Variants in TANC2 observed in about 807,000 individuals in gnomAD.
TANC2 encodes the protein protein TANC2.
A neutral mutation model predicts 210.5 loss-of-function variants in TANC2; 26 were observed. The observed-to-expected ratio is 0.12, with a 90% CI of 0.09 to 0.17. The LOEUF (loss-of-function observed/expected upper bound fraction) is 0.17, where lower values mean the gene tolerates loss of function less well. TANC2 is among the 10% of genes least tolerant of loss of function. TANC2 has a pLI of 1.00. For synonymous variants in TANC2, 931 were observed against 967.1 expected (o/e 0.96, Z 0.69); for missense variants, 2,129 against 2,608.9 (o/e 0.82, Z 4.01).
chr17:63,266,741 G>A (rs1773614375), intron 8 of TANC2, among the ~76,000 whole-genome samples: 1 of 152,022 alleles, frequency 6.6e-6, no homozygotes, highest in South Asian at 2.1e-4. Flanking sequence ...AACATTTGAG[G>A]CCCAGCAGCC....
chr17:63,132,644 A>G (rs1210655880), intron 4 of TANC2, among the ~76,000 whole-genome samples: 1 of 152,180 alleles, frequency 6.6e-6, no homozygotes, highest in African/African-American at 2.4e-5. Flanking sequence ...TCTGCTAGCC[A>G]GATTATACCA....
chr17:63,018,526 CAAAA>C (rs946067374), intron 2 of TANC2, among the ~76,000 whole-genome samples: 1 of 149,800 alleles, frequency 6.7e-6, no homozygotes, highest in Non-Finnish European at 1.5e-5. Flanking sequence ...AAAAATAAAA[CAAAA>C]AAAGGAATAA....
intron 15 of TANC2, among the ~76,000 whole-genome samples, chr17:63,383,522 T>C (rs2047679690): frequency 6.6e-6 from 1 of 152,128 alleles, no homozygotes; most frequent in Non-Finnish European, 1.5e-5. Flanking sequence ...TTTCTACATG[T>C]CTTTTTTGGC....
chr17:63,143,472 A>G (rs914407980), intron 4 of TANC2, among the ~76,000 whole-genome samples: 19 of 152,202 alleles, frequency 1.2e-4, no homozygotes, highest in African/African-American at 4.3e-4. Context: ...TAAAATTATC[A>G]ATTTATATTT....
At chr17:63,394,309 A>G (rs2048085963) in intron 17 of TANC2, among the ~76,000 whole-genome samples, 1 of 152,146 alleles carries the variant, frequency 6.6e-6, no homozygotes. Context: ...AGATTTGGCC[A>G]TTGGGAACTC....
chr17:63,117,274 A>G (rs1372030581), intron 4 of TANC2: 1 of 152,220 alleles, frequency 6.6e-6, no homozygotes, highest in Admixed American at 6.5e-5. Flanking sequence ...CAGTTCTTCC[A>G]GTAATTTGCT....
intron 2 of TANC2, among the ~76,000 whole-genome samples, chr17:63,023,209 A>G (rs1002134932): frequency 4.6e-5 from 7 of 152,224 alleles, no homozygotes; most frequent in East Asian, 3.9e-4. Flanking sequence ...GTACAACTCT[A>G]TCCTGTGAGA....
chr17:63,318,483 A>C (rs763243714), intron 10 of TANC2, among the ~76,000 whole-genome samples: 8 of 152,194 alleles, frequency 5.3e-5, no homozygotes, highest in Non-Finnish European at 8.8e-5. Context: ...TTAGCAGTCA[A>C]TCCCCATTCT....
intron 4 of TANC2, among the ~76,000 whole-genome samples, chr17:63,135,371 A>G (rs184544814): frequency 1.9e-4 from 29 of 152,330 alleles, no homozygotes; most frequent in African/African-American, 7.0e-4. Context: ...AGAAGGTGAG[A>G]GTTACTCAAC....
intron 8 of TANC2, among the ~76,000 whole-genome samples, chr17:63,249,653 G>A (rs923330891): frequency 1.3e-5 from 2 of 152,134 alleles, no homozygotes; most frequent in African/African-American, 2.4e-5. Flanking sequence ...AATACAGAAC[G>A]GGAATCTAGG....
intron 3 of TANC2, among the ~76,000 whole-genome samples, chr17:63,093,974 T>C (rs980474809): frequency 2.6e-5 from 4 of 152,174 alleles, no homozygotes; most frequent in Non-Finnish European, 5.9e-5. Flanking sequence ...GTACATGGTA[T>C]GTACTCTGTC....
chr17:62,966,422 G>T lies in TANC2; in HGVS notation c.-351G>T, dbSNP rs1423579328. ...ACCGCCCTCCGCGCCTCCTTCGGGCGGCCCCGCCCCCATTCCCATCCCCCT... is the reference window on the plus strand; with the variant it reads ...ACCGCCCTCCGCGCCTCCTTCGGGCTGCCCCGCCCCCATTCCCATCCCCCT... On this transcript the variant is annotated 5_prime_UTR_variant, in exon 1 of 28. Transcript: ENST00000689528. The surrounding 1 kb of genome is among the most constrained non-coding windows in gnomAD (Gnocchi z 5.1). Among the ~76,000 whole-genome samples the T allele has an allele frequency of 6.8e-6, 1 of 147,852 alleles. No homozygotes were observed. The highest frequency in any genetic ancestry group is 2.0e-4 in the East Asian group (1 of 5,096).
At chr17:63,201,908 G>A (rs541729852) in intron 7 of TANC2, among the ~76,000 whole-genome samples, 2 of 152,118 alleles carry the variant, frequency 1.3e-5, no homozygotes, top group South Asian at 4.2e-4. Context: ...GAAAATCATA[G>A]GATATTTCTA....
intron 5 of TANC2, among the ~76,000 whole-genome samples, chr17:63,183,231 C>T (rs1480512511): frequency 1.3e-5 from 2 of 152,198 alleles, no homozygotes; most frequent in Non-Finnish European, 1.5e-5. Context: ...AAATGTGAGC[C>T]AGGTGTAGTG....
At chr17:63,214,816 C>A (rs548188845) in intron 7 of TANC2, among the ~76,000 whole-genome samples, 2 of 152,208 alleles carry the variant, frequency 1.3e-5, no homozygotes, top group African/African-American at 4.8e-5. Flanking sequence ...TACAGTCCAA[C>A]CCTTGTACCA....
chr17:63,375,802 A>G (rs1179407222), intron 14 of TANC2, among the ~76,000 whole-genome samples: 2 of 152,230 alleles, frequency 1.3e-5, no homozygotes, highest in Non-Finnish European at 2.9e-5. Context: ...TGAAAAAACT[A>G]AAATAGGCTG....
chr17:63,015,999 G>A (rs551218525), intron 2 of TANC2, among the ~76,000 whole-genome samples: 2 of 151,986 alleles, frequency 1.3e-5, no homozygotes, highest in Non-Finnish European at 2.9e-5. Context: ...GGAGATACTG[G>A]CAATTTCAGA....
At chr17:63,107,827 G>T (rs963984107) in intron 4 of TANC2, among the ~76,000 whole-genome samples, 5 of 151,696 alleles carry the variant, frequency 3.3e-5, no homozygotes, top group Non-Finnish European at 5.9e-5. Context: ...ACCAACGATG[G>T]TATAGGTAGT....
intron 1 of TANC2, among the ~76,000 whole-genome samples, chr17:62,990,735 C>T (rs1255576312): frequency 6.6e-6 from 1 of 151,944 alleles, no homozygotes; most frequent in African/African-American, 2.4e-5. Flanking sequence ...ATAATTTGAC[C>T]TCAGAGAGAA....
Sources: gnomAD v4.1 joint callset for allele counts (sites outside exome capture counted in the v4.1 genomes callset) on GRCh38, gnomAD v4.1.1 for gene constraint, Gnocchi (gnomAD v3.1) non-coding constraint, MANE v1.5 for transcripts, NCBI Gene and HGNC (gene_info 2026-07-23, HGNC 2026-07-21) for gene names.